Variants in TF observed in about 807,000 individuals in gnomAD.
TF encodes serotransferrin.
In TF, 55 loss-of-function variants were observed where a neutral mutation model predicts 82.4. That is an observed-to-expected ratio of 0.67 (90% CI 0.54 to 0.84). The LOEUF is 0.84. Ranked by LOEUF, TF falls within the 40% of genes least tolerant of loss-of-function variation. The pLI is 0.00. For synonymous variants in TF, 332 were observed against 332.6 expected, an observed-to-expected ratio of 1.00 and a Z score of 0.02; for missense variants, 737 against 868.4, an observed-to-expected ratio of 0.85 and a Z score of 1.90.
At chr3:133,713,553 A>G in the TF span, among the ~76,000 whole-genome samples, 1 of 152,232 alleles carries the variant, frequency 6.6e-6, no homozygotes. Flanking sequence ...ATGCTTCTTC[A>G]TGCATCGCTT....
chr3:133,703,917 T>C, the TF span, among the ~76,000 whole-genome samples: 1 of 152,294 alleles, frequency 6.6e-6, no homozygotes, highest in African/African-American at 2.4e-5. Flanking sequence ...GCCATGTTAA[T>C]TGCTGGGTTG....
chr3:133,706,923 C>A, the TF span, among the ~76,000 whole-genome samples: 3 of 152,192 alleles, frequency 2.0e-5, no homozygotes, highest in Non-Finnish European at 2.9e-5. Context: ...GCTGTCATGT[C>A]TAAGAAGCCT....
intron 13 of TF, among the ~76,000 whole-genome samples, chr3:133,768,399 T>A (rs530931065): frequency 3.2e-4 from 48 of 152,316 alleles, no homozygotes; most frequent in African/African-American, 1.1e-3. Context: ...TTAGCAGTTG[T>A]CAACGGGTGA....
the TF span, among the ~76,000 whole-genome samples, chr3:133,718,125 G>A: frequency 1.3e-5 from 2 of 152,060 alleles, no homozygotes; most frequent in Non-Finnish European, 2.9e-5. Flanking sequence ...TGGTGAGTGA[G>A]GATGATTTCT....
At chr3:133,755,804 T>C (rs1933810047) in intron 5 of TF, 2 of 483,422 alleles carry the variant, frequency 4.1e-6, no homozygotes, top group Non-Finnish European at 7.6e-6. Context: ...ATGCCTCTAG[T>C]GTCTGGGCCC....
At chr3:133,670,463 T>G in the TF span, among the ~76,000 whole-genome samples, 1 of 152,238 alleles carries the variant, frequency 6.6e-6, no homozygotes, top group Admixed American at 6.5e-5. Context: ...TGTCCTATCT[T>G]TGCAATATCA....
At chr3:133,744,353 G>A (rs969996234), upstream of TF, among the ~76,000 whole-genome samples, 2 of 152,166 alleles carry the variant, frequency 1.3e-5, no homozygotes, top group Non-Finnish European at 1.5e-5. Flanking sequence ...TCAACCTTTC[G>A]TAACTGCACT....
chr3:133,693,235 T>C, the TF span, among the ~76,000 whole-genome samples: 1 of 152,082 alleles, frequency 6.6e-6, no homozygotes, highest in East Asian at 1.9e-4. Context: ...CCTCCCAGCT[T>C]CCCAGAAAGG....
the TF span, among the ~76,000 whole-genome samples, chr3:133,730,420 C>G: frequency 1.3e-5 from 2 of 152,224 alleles, no homozygotes. Flanking sequence ...TCTTCAGACT[C>G]TGTTATCCAA....
Position 133,791,321 on chromosome 3 carries a change from C to T in TF, c.*12701C>T, listed in dbSNP as rs778453354. 3.3e-5 allele frequency: 5 copies of T among 152,222 alleles called. No homozygotes were observed. The highest frequency in any genetic ancestry group is 3.4e-3 in the Middle Eastern group (1 of 294). The allele number at this position is 152,222 out of a possible 1,614,324, so 9.4% of individuals were successfully genotyped here. A position where few individuals can be genotyped will look rare whatever the true frequency, so the allele number is the denominator to read the frequency against. Reference sequence around the variant, plus strand: ...CTGTCTGCCCATTTTCTCCAAAATTCGTAAACTATTTGTGAATATTCTTAA... The same window carrying T: ...CTGTCTGCCCATTTTCTCCAAAATTTGTAAACTATTTGTGAATATTCTTAA... On this transcript the variant is annotated 3_prime_UTR_variant, in exon 17 of 17. Coordinates refer to ENST00000402696, the MANE Select transcript of TF (RefSeq NM_001063.4).
intron 9 of TF, 136 bp downstream of exon 9, chr3:133,759,465 C>A: frequency 9.5e-7 from 1 of 1,056,080 alleles, no homozygotes; most frequent in Non-Finnish European, 1.4e-6. Context: ...TATGTGAGCA[C>A]AGCCCCACCG....
intron 12 of TF, among the ~76,000 whole-genome samples, chr3:133,767,457 T>C (rs926756428): frequency 7.9e-5 from 12 of 152,210 alleles, no homozygotes; most frequent in Non-Finnish European, 1.6e-4. Flanking sequence ...ACCAGGGTGC[T>C]TTGTGACACC....
At chr3:133,666,242 G>A in the TF span, among the ~76,000 whole-genome samples, 2 of 151,934 alleles carry the variant, frequency 1.3e-5, no homozygotes, top group African/African-American at 2.4e-5. Flanking sequence ...GCATGATCTC[G>A]GCTCACTGCA....
the TF span, among the ~76,000 whole-genome samples, chr3:133,713,847 G>C: frequency 7.2e-5 from 11 of 152,220 alleles, no homozygotes; most frequent in African/African-American, 2.6e-4. Flanking sequence ...TGGGGTATGG[G>C]GGGTACCAAG....
chr3:133,735,587 T>A, the TF span, among the ~76,000 whole-genome samples: 1 of 152,076 alleles, frequency 6.6e-6, no homozygotes, highest in Admixed American at 6.6e-5. Flanking sequence ...CTAACTACAA[T>A]AATCAGTTTG....
At chr3:133,704,138 T>C in the TF span, 1 of 171,698 alleles carries the variant, frequency 5.8e-6, no homozygotes, top group Non-Finnish European at 1.3e-5. Flanking sequence ...CAAGGATGTT[T>C]ACATGAAGCC....
At chr3:133,770,224 C>G (rs1478687281) in intron 13 of TF, among the ~76,000 whole-genome samples, 1 of 152,178 alleles carries the variant, frequency 6.6e-6, no homozygotes, top group East Asian at 1.9e-4. Context: ...CACTGAAAAT[C>G]AATTCCCTAC....
At chr3:133,777,348 T>C in intron 16 of TF, 110 bp downstream of exon 16, 1 of 1,016,416 alleles carries the variant, frequency 9.8e-7, no homozygotes, top group East Asian at 2.6e-5. Context: ...TAGGACAACA[T>C]GGACAAAATG....
chr3:133,753,685 T>C lies in TF; in HGVS notation c.307T>C (p.Phe103Leu). Residue 103 changes from phenylalanine (F) to leucine (L), a missense_variant, in exon 3 of 17, where the codon TTC becomes CTC. Physicochemically the swap from Phe to Leu is conservative, Grantham distance 22 (BLOSUM62 0). Transcript: ENST00000402696. ...PNNLKPVVAE[F>L]YGSKEDPQTF... Reference sequence around the variant, plus strand: ...TAACCTGAAGCCTGTGGTGGCAGAGTTCTATGGGTCAAAAGAGGGTAAGTT... The same window carrying C: ...TAACCTGAAGCCTGTGGTGGCAGAGCTCTATGGGTCAAAAGAGGGTAAGTT... 3.1e-6 allele frequency: 5 copies of C among 1,614,028 alleles called. No individual in the cohort carries two copies. Among genetic ancestry groups the C allele is most frequent in the Non-Finnish European group, 4.2e-6 (5 of 1,179,926 alleles).
Sources: gnomAD v4.1 joint callset for allele counts (sites outside exome capture counted in the v4.1 genomes callset) on GRCh38, gnomAD v4.1.1 for gene constraint, MANE v1.5 for transcripts, NCBI Gene and HGNC (gene_info 2026-07-23, HGNC 2026-07-21) for gene names.